Variants in ABLIM2 observed in about 807,000 individuals in gnomAD.
ABLIM2 encodes actin binding LIM protein family member 2, also known as actin-binding LIM protein 2.
Under a neutral mutation model 97.7 loss-of-function variants are expected in ABLIM2, and 53 were observed. That is an observed-to-expected ratio of 0.54 (90% CI 0.44 to 0.68). The LOEUF (loss-of-function observed/expected upper bound fraction) is 0.68. Among genes scored for constraint, ABLIM2 ranks in the 30% least tolerant of loss-of-function variants. The pLI, the probability that ABLIM2 is intolerant of heterozygous loss-of-function variation, is 0.00. For missense variants in ABLIM2, 835 were observed against 867.2 expected (o/e 0.96, Z 0.47); for synonymous variants, 361 against 345.8 (o/e 1.04, Z -0.49).
Position 8,003,263 on chromosome 4 carries a change from A to G in ABLIM2, c.1618+4796T>C, listed in dbSNP as rs1216598180. ...AGCCCAGCCTGCCTTAAACATGCTC[A>G]GAAACCTGCATTAGCCTTCGGCCAG... On this transcript the variant is annotated intron_variant, in intron 16 of 20. Transcript: ENST00000447017. This position sits in a 1 kb window ranked among gnomAD's most constrained non-coding sequence, Gnocchi z 4.2. Among the ~76,000 whole-genome samples the G allele has an allele frequency of 1.3e-5, 2 of 152,264 alleles. No individual in the cohort carries two copies. The highest frequency in any genetic ancestry group is 2.9e-5 in the Non-Finnish European group (2 of 68,056).
intron 20 of ABLIM2, among the ~76,000 whole-genome samples, chr4:7,971,675 T>C (rs1444162803): frequency 6.6e-6 from 1 of 152,046 alleles, no homozygotes; most frequent in Non-Finnish European, 1.5e-5. Flanking sequence ...CAGGGACCTA[T>C]GCCACCTCCA....
intron 20 of ABLIM2, among the ~76,000 whole-genome samples, chr4:7,981,551 T>C (rs1388732167): frequency 6.6e-6 from 1 of 152,226 alleles, no homozygotes; most frequent in East Asian, 1.9e-4. Flanking sequence ...ATGAAACCTC[T>C]TGATGTATTT....
Position 8,015,135 on chromosome 4 carries a change from G to A in ABLIM2, c.1423+4483C>T, listed in dbSNP as rs1768008158. Among the ~76,000 whole-genome samples the A allele has an allele frequency of 6.6e-6, 1 of 152,074 alleles. No homozygotes were observed. The highest frequency in any genetic ancestry group is 1.5e-5 in the Non-Finnish European group (1 of 68,010). Reference sequence around the variant, plus strand: ...GGGGTTTCACCATGTTGGCCAGGCTGGTCTCGAATGCTTGACCTCAGGTGA... The same window carrying A: ...GGGGTTTCACCATGTTGGCCAGGCTAGTCTCGAATGCTTGACCTCAGGTGA... On this transcript the variant is annotated intron_variant, in intron 14 of 20. Transcript: ENST00000447017. The surrounding 1 kb of genome is among the most constrained non-coding windows in gnomAD (Gnocchi z 4.6).
chr4:8,080,788 C>T lies in ABLIM2; in HGVS notation c.469G>A (p.Gly157Ser), dbSNP rs780667383. The T allele has an allele frequency of 2.7e-5, 44 of 1,608,556 alleles. No individual in the cohort carries two copies. The highest frequency in any genetic ancestry group is 8.4e-5 in the Admixed American group (5 of 59,798). ...GCCTGGCCATTCTTGATTTCTGTGC[C>T]GCAGCCCCCACAACCTGGAAGAAAG... ...SQGLRSCGGCGTEIKNGQALV... is the reference protein window; with the variant it reads ...SQGLRSCGGCSTEIKNGQALV... The change falls in exon 5 of 21, where the codon GGC becomes AGC. Residue 157 changes from glycine to serine, a missense_variant. Gly to Ser is a moderately conservative substitution (Grantham distance 56). Transcript: ENST00000447017.
At chr4:8,115,514 C>T (rs577865375) in intron 1 of ABLIM2, among the ~76,000 whole-genome samples, 71 of 152,310 alleles carry the variant, frequency 4.7e-4, no homozygotes, top group African/African-American at 1.6e-3. Flanking sequence ...ATGCATCTCA[C>T]TCTGACCCGC....
chr4:8,026,047 G>C (rs1366103223), intron 12 of ABLIM2, among the ~76,000 whole-genome samples: 1 of 152,178 alleles, frequency 6.6e-6, no homozygotes, highest in Non-Finnish European at 1.5e-5. Context: ...TTACTCTGTT[G>C]TCCAGGCTGG....
chr4:8,099,044 C>T (rs539870365), intron 2 of ABLIM2, among the ~76,000 whole-genome samples: 1 of 152,234 alleles, frequency 6.6e-6, no homozygotes, highest in Non-Finnish European at 1.5e-5. Context: ...GGACTCCCAG[C>T]ATCAAAGGGA....
intron 14 of ABLIM2, among the ~76,000 whole-genome samples, chr4:8,009,831 G>A (rs1366469419): frequency 6.6e-6 from 1 of 152,192 alleles, no homozygotes; most frequent in African/African-American, 2.4e-5. Context: ...CCCGCAGGAA[G>A]AAGCTTTGCA....
In ABLIM2 at chr4:8,122,096, C is replaced by T. The variant is rs2152878772; in HGVS notation, c.11-15459G>A. 6.6e-6 allele frequency among the ~76,000 whole-genome samples: 1 copy of T among 152,302 alleles called. No individual in the cohort carries two copies. Among genetic ancestry groups the T allele is most frequent in the African/African-American group, 2.4e-5 (1 of 41,572 alleles). ...GGACCTGGCAGGCTAGGGGACCTGACAATATGCCCCCAAGCATATACTGGC... is the reference window on the plus strand; with the variant it reads ...GGACCTGGCAGGCTAGGGGACCTGATAATATGCCCCCAAGCATATACTGGC... On this transcript the variant is annotated intron_variant, in intron 1 of 20. Transcript: ENST00000447017. This position sits in a 1 kb window ranked among gnomAD's most constrained non-coding sequence, Gnocchi z 4.1.
intron 6 of ABLIM2, among the ~76,000 whole-genome samples, chr4:8,062,106 G>A (rs1221407433): frequency 6.6e-6 from 1 of 152,156 alleles, no homozygotes; most frequent in Admixed American, 6.5e-5. Context: ...CTCCACTGGA[G>A]CAGCCCTCCC....
At position 8,058,783 on chromosome 4, in the gene ABLIM2, A is replaced by G. The variant is rs1315113331; in HGVS notation, c.763+2184T>C. On this transcript the variant is annotated intron_variant, in intron 7 of 20. Coordinates refer to ENST00000447017, the MANE Select transcript of ABLIM2 (RefSeq NM_001130083.2). The surrounding 1 kb of genome is among the most constrained non-coding windows in gnomAD (Gnocchi z 4.2). Reference sequence around the variant, plus strand: ...TCTTAGGCCTGCCTGGCTCAGTTTCAGCGAGAATACTGCAAAATCAGTCTG... The same window carrying G: ...TCTTAGGCCTGCCTGGCTCAGTTTCGGCGAGAATACTGCAAAATCAGTCTG... 6.6e-6 allele frequency among the ~76,000 whole-genome samples: 1 copy of G among 152,172 alleles called. No homozygotes were observed. The highest frequency in any genetic ancestry group is 1.5e-5 in the Non-Finnish European group (1 of 68,038).
rs1198098830 is a variant in ABLIM2 at position 8,128,937 on chromosome 4, A to G, written c.11-22300T>C. 6.6e-6 allele frequency among the ~76,000 whole-genome samples: 1 copy of G among 152,006 alleles called. No homozygotes were observed. Among genetic ancestry groups the G allele is most frequent in the Non-Finnish European group, 1.5e-5 (1 of 67,990 alleles). On this transcript the variant is annotated intron_variant, in intron 1 of 20. Transcript: ENST00000447017. This position sits in a 1 kb window ranked among gnomAD's most constrained non-coding sequence, Gnocchi z 4.9. ...CTGATCTTGGACTTCCAGCCTCCAG[A>G]ACTGAGAAAAATAAATGTCTATTAT... is the stretch of plus-strand genomic sequence containing the variant.
rs1830741188 is a variant in ABLIM2 at position 8,095,009 on chromosome 4, TC to T, written c.338+2089del. 1.6e-5 allele frequency among the ~76,000 whole-genome samples: 1 copy of T among 63,470 alleles called. No individual in the cohort carries two copies. Among genetic ancestry groups the T allele is most frequent in the Non-Finnish European group, 3.2e-5 (1 of 30,954 alleles). 41.6% of individuals were successfully genotyped at this position (63,470 alleles called of 152,430 possible). The stretch of plus-strand genomic sequence containing the variant: ...CTCTTTCTTTTCCTTTTTCTTTCTT[TC>T]TCTCTCTCTCTCCCCCCACTTCTTT... On this transcript the variant is annotated intron_variant, in intron 3 of 20. Transcript: ENST00000447017. The surrounding 1 kb of genome is among the most constrained non-coding windows in gnomAD (Gnocchi z 4.7).
At chr4:8,091,178 C>T (rs538025364) in intron 3 of ABLIM2, among the ~76,000 whole-genome samples, 2 of 145,844 alleles carry the variant, frequency 1.4e-5, no homozygotes, top group Non-Finnish European at 3.0e-5. Context: ...CTCATGGAGG[C>T]GTAATGGCAT....
chr4:8,155,273 G>C lies in ABLIM2; in HGVS notation c.10+3407C>G, dbSNP rs1714932276. On this transcript the variant is annotated intron_variant, in intron 1 of 20. Transcript: ENST00000447017. This position sits in a 1 kb window ranked among gnomAD's most constrained non-coding sequence, Gnocchi z 4.2. ...TAGTAAGTCTGAGATGAATGTTTCT[G>C]TGGCTACATCATTGCCCATTCTTGG... 6.6e-6 allele frequency among the ~76,000 whole-genome samples: 1 copy of C among 152,192 alleles called. No homozygotes were observed. The highest frequency in any genetic ancestry group is 1.5e-5 in the Non-Finnish European group (1 of 68,052).
chr4:8,036,112 A>G lies in ABLIM2; in HGVS notation c.1047+37T>C, dbSNP rs369017918. 5.4e-5 allele frequency: 87 copies of G among 1,608,486 alleles called. 2 individuals carry two copies. The South Asian group carries it at 8.8e-4, about 16-fold the overall frequency. Reference sequence around the variant, plus strand: ...CTGTCCTGCAGGGCAGCACTTGGGGACACAGGTGTCCAGGGCCATGTGGGC... The same window carrying G: ...CTGTCCTGCAGGGCAGCACTTGGGGGCACAGGTGTCCAGGGCCATGTGGGC... On this transcript the variant is annotated intron_variant, in intron 10 of 20. Coordinates refer to ENST00000447017, the MANE Select transcript of ABLIM2 (RefSeq NM_001130083.2).
chr4:8,070,184 G>C (rs1810981432), intron 6 of ABLIM2, among the ~76,000 whole-genome samples: 1 of 151,386 alleles, frequency 6.6e-6, no homozygotes, highest in African/African-American at 2.4e-5. Context: ...CTGTGTGTCT[G>C]TCTGTGCTGT....
intron 1 of ABLIM2, among the ~76,000 whole-genome samples, chr4:8,115,740 TG>T (rs1332567018): frequency 6.6e-6 from 1 of 152,336 alleles, no homozygotes; most frequent in East Asian, 1.9e-4. Context: ...TATTACCTGA[TG>T]GGGTCTAAAG....
In ABLIM2 at chr4:8,123,524, C is replaced by A. The variant is rs1017491017; in HGVS notation, c.11-16887G>T. ...GGAGGCTGGTGTGAGGGAAGCATTT[C>A]CGGCATGTCTAATTAAAACTGGTCG... On this transcript the variant is annotated intron_variant, in intron 1 of 20. Transcript: ENST00000447017. The surrounding 1 kb of genome is among the most constrained non-coding windows in gnomAD (Gnocchi z 6.2). Among the ~76,000 whole-genome samples, 1 of 152,216 alleles carries A rather than the reference C, an allele frequency of 6.6e-6. No individual in the cohort carries two copies. The highest frequency in any genetic ancestry group is 1.5e-5 in the Non-Finnish European group (1 of 68,042).
Sources: allele counts gnomAD v4.1 joint callset (sites outside exome capture counted in the v4.1 genomes callset), GRCh38; gene constraint gnomAD v4.1.1; non-coding constraint Gnocchi (gnomAD v3.1); transcripts MANE v1.5; gene names NCBI Gene and HGNC (gene_info 2026-07-23, HGNC 2026-07-21).